KBTBD11: variants seen among roughly 807,000 people sequenced by gnomAD.
KBTBD11 encodes kelch repeat and BTB domain containing 11.
For missense variants in KBTBD11, 1,390 were observed against 1,001.8 expected, an observed-to-expected ratio of 1.39 and a Z score of -5.23; for synonymous variants, 747 against 499.0, an observed-to-expected ratio of 1.50 and a Z score of -6.63.
chr8:2,000,157 AC>A (rs142396449), intron 1 of KBTBD11, 127 bp from the exon 2 acceptor site: 46 of 152,168 alleles, frequency 3.0e-4, no homozygotes, highest in African/African-American at 1.1e-3. Flanking sequence ...AAAAATCACA[AC>A]CCCTTTACAA....
At chr8:1,974,708 AG>A in intron 1 of KBTBD11, 1 of 985,430 alleles carries the variant, frequency 1.0e-6, no homozygotes, top group Non-Finnish European at 1.2e-6. Context: ...GGGATTCCGC[AG>A]GGGTCCCTCC....
chr8:1,977,600 G>T (rs7386176), intron 1 of KBTBD11, among the ~76,000 whole-genome samples: 110,113 of 151,780 alleles, frequency 0.73, 40,035 homozygotes, highest in East Asian at 0.82. Flanking sequence ...GTCAGCTCAC[G>T]GCAACCTCCG....
Position 2,002,323 on chromosome 8 carries a change from C to G in KBTBD11, c.1131C>G (p.Arg377=), listed in dbSNP as rs902724298. ...CCGCGGGCCCCGACGGCCGCGCGCG[C>G]CCGTCCGACCAGGTCTTCTGCTACA... The part of the protein sequence containing the change: ...VAPAGPDGRA[R]PSDQVFCYNP... The change falls in exon 2 of 2, where the codon CGC becomes CGG. Residue 377 remains arginine, a synonymous_variant. Transcript: ENST00000320248. This position sits in a 1 kb window ranked among gnomAD's most constrained non-coding sequence, Gnocchi z 4.1. 4.8e-5 allele frequency: 67 copies of G among 1,397,258 alleles called. 1 individual carries two copies. Among genetic ancestry groups the G allele is most frequent in the Non-Finnish European group, 6.2e-5 (67 of 1,083,354 alleles). The allele number at this position is 1,397,258 out of a possible 1,614,324, so 86.6% of individuals were successfully genotyped here.
chr8:1,993,922 T>TACACACACAA (rs1817031807), intron 1 of KBTBD11, among the ~76,000 whole-genome samples: 1 of 139,692 alleles, frequency 7.2e-6, no homozygotes, highest in Non-Finnish European at 1.5e-5. Flanking sequence ...CAATACCCCC[T>TACACACACAA]ACACACACAC....
chr8:2,003,036 C>T lies in KBTBD11; in HGVS notation c.1844C>T (p.Pro615Leu). 1.6e-6 allele frequency: 2 copies of T among 1,273,228 alleles called. No individual in the cohort carries two copies. Among genetic ancestry groups the T allele is most frequent in the South Asian group, 2.7e-5 (1 of 36,840 alleles). 78.9% of individuals were successfully genotyped at this position (1,273,228 alleles called of 1,614,324 possible). Reference sequence around the variant, plus strand: ...TTCGCTCTCAGCCTGCCTGAGAAGCCGCCCCGAGGGGAGCAGGGCGCCCCG... The same window carrying T: ...TTCGCTCTCAGCCTGCCTGAGAAGCTGCCCCGAGGGGAGCAGGGCGCCCCG... ...IPFALSLPEK[P>L]PRGEQGAP is the part of the protein sequence containing the mutation. The change falls in exon 2 of 2, where the codon CCG (proline) becomes CTG (leucine). Residue 615 changes from proline (P) to leucine (L), a missense_variant. Transcript: ENST00000320248.
Position 2,001,399 on chromosome 8 carries a change from T to C in KBTBD11, c.207T>C (p.Gly69=). 7.1e-7 allele frequency: 1 copy of C among 1,416,488 alleles called. No individual in the cohort carries two copies. The highest frequency in any genetic ancestry group is 1.4e-5 in the South Asian group (1 of 69,022). 87.7% of individuals were successfully genotyped at this position (1,416,488 alleles called of 1,614,324 possible). A position where few individuals can be genotyped will look rare whatever the true frequency, so the allele number is the denominator to read the frequency against. The part of the protein sequence containing the change: ...EGAATSPPSS[G]GPRVVERQWE... Reference sequence around the variant, plus strand: ...CGGCCACCTCCCCGCCCTCCAGCGGTGGCCCGCGGGTGGTGGAGCGGCAGT... The same window carrying C: ...CGGCCACCTCCCCGCCCTCCAGCGGCGGCCCGCGGGTGGTGGAGCGGCAGT... Residue 69 remains glycine (G), a synonymous_variant, in exon 2 of 2, where the codon GGT becomes GGC. Coordinates refer to ENST00000320248, the MANE Select transcript of KBTBD11 (RefSeq NM_014867.3).
chr8:2,002,979 C>T lies in KBTBD11; in HGVS notation c.1787C>T (p.Ala596Val), dbSNP rs1301937471. ...GQGGGFEALG[A>V]PLDVRGVLIP... ...GGCGGCGGCTTCGAGGCGCTGGGCG[C>T]CCCCTTGGACGTCCGGGGTGTGCTC... The change falls in exon 2 of 2, where the codon GCC (alanine) becomes GTC (valine). Residue 596 changes from alanine to valine, a missense_variant. Transcript: ENST00000320248. The surrounding 1 kb of genome is among the most constrained non-coding windows in gnomAD (Gnocchi z 4.1). 3 of 1,309,266 alleles carry T rather than the reference C, an allele frequency of 2.3e-6. No individual in the cohort carries two copies. Among genetic ancestry groups the T allele is most frequent in the South Asian group, 2.1e-5 (1 of 47,228 alleles). 81.1% of individuals were successfully genotyped at this position (1,309,266 alleles called of 1,614,324 possible).
At chr8:1,991,609 T>A (rs1016899074) in intron 1 of KBTBD11, among the ~76,000 whole-genome samples, 3 of 151,366 alleles carry the variant, frequency 2.0e-5, no homozygotes, top group Admixed American at 1.3e-4. Context: ...CGCCAGAGGC[T>A]TTGCTCTCCC....
chr8:1,998,774 G>GCT (rs952503205), intron 1 of KBTBD11, among the ~76,000 whole-genome samples: 2 of 146,936 alleles, frequency 1.4e-5, no homozygotes, highest in African/African-American at 5.4e-5. Context: ...TCTTAGATTT[G>GCT]CTCTCTCTCT....
Position 2,001,927 on chromosome 8 carries a change from G to C in KBTBD11, c.735G>C (p.Arg245=). 2 of 1,464,526 alleles carry C rather than the reference G, an allele frequency of 1.4e-6. No individual in the cohort carries two copies. Among genetic ancestry groups the C allele is most frequent in the South Asian group, 1.2e-5 (1 of 82,336 alleles). 90.7% of individuals were successfully genotyped at this position (1,464,526 alleles called of 1,614,324 possible). A position where few individuals can be genotyped will look rare whatever the true frequency, so the allele number is the denominator to read the frequency against. ...ACGAGGTCCTGAGCGCGGCCAAGCG[G>C]CAGCGGCTGAACGAGCTGCGCGACG... ...NCYEVLSAAK[R]QRLNELRDAA... is the part of the protein sequence containing the mutation. Residue 245 remains arginine (R), a synonymous_variant, in exon 2 of 2, where the codon CGG becomes CGC. Transcript: ENST00000320248.
In KBTBD11 at chr8:2,001,321, C is replaced by A; in HGVS notation, c.129C>A (p.Phe43Leu). 1 of 1,519,438 alleles carries A rather than the reference C, an allele frequency of 6.6e-7. No homozygotes were observed. Among genetic ancestry groups the A allele is most frequent in the Non-Finnish European group, 8.8e-7 (1 of 1,141,594 alleles). The allele number at this position is 1,519,438 out of a possible 1,614,324, so 94.1% of individuals were successfully genotyped here. ...GCAGTCTCGGCGCGTCCCTGTGCTT[C>A]AGCTCCGGGGAAGAGTCCCCGCCGC... ...TPCSLGASLCFSSGEESPPQS... is the reference protein window; with the variant it reads ...TPCSLGASLCLSSGEESPPQS... The change falls in exon 2 of 2, where the codon TTC (phenylalanine) becomes TTA (leucine). Residue 43 changes from phenylalanine (F) to leucine (L), a missense_variant. Transcript: ENST00000320248.
At chr8:1,990,179 T>C (rs1218999031) in intron 1 of KBTBD11, among the ~76,000 whole-genome samples, 1 of 152,154 alleles carries the variant, frequency 6.6e-6, no homozygotes, top group Admixed American at 6.6e-5. Flanking sequence ...CGGGAGCCTG[T>C]CTGGGTAGAT....
At chr8:1,977,730 C>T (rs1816397925) in intron 1 of KBTBD11, among the ~76,000 whole-genome samples, 1 of 151,952 alleles carries the variant, frequency 6.6e-6, no homozygotes, top group Non-Finnish European at 1.5e-5. Flanking sequence ...GAGATGGGGT[C>T]TCAGCATGTT....
intron 1 of KBTBD11, among the ~76,000 whole-genome samples, chr8:1,981,028 G>C (rs982052662): frequency 6.6e-6 from 1 of 152,174 alleles, no homozygotes; most frequent in South Asian, 2.1e-4. Context: ...GGATCTCAGC[G>C]TCTGGTTTCT....
At chr8:1,992,215 GC>G in intron 1 of KBTBD11, among the ~76,000 whole-genome samples, 1 of 152,264 alleles carries the variant, frequency 6.6e-6, no homozygotes, top group South Asian at 2.1e-4. Flanking sequence ...TCATCCCTGA[GC>G]CCGGGTTTTC....
At chr8:1,990,514 C>A (rs36020330) in intron 1 of KBTBD11, among the ~76,000 whole-genome samples, 6 of 69,968 alleles carry the variant, frequency 8.6e-5, no homozygotes, top group Admixed American at 3.9e-4. Context: ...TGCTGCGGGG[C>A]CTTGGCGCCC....
rs181900497 is a variant in KBTBD11 at position 1,979,118 on chromosome 8, A to G, written c.-909+5183A>G. Among the ~76,000 whole-genome samples, 285 of 152,242 alleles carry G rather than the reference A, an allele frequency of 1.9e-3. 1 individual carries two copies. The highest frequency in any genetic ancestry group is 6.3e-3 in the African/African-American group (261 of 41,526). On this transcript the variant is annotated intron_variant, in intron 1 of 1. Coordinates refer to ENST00000320248, the MANE Select transcript of KBTBD11 (RefSeq NM_014867.3). Reference sequence around the variant, plus strand: ...TGAGAGGGATTAGAGAGCAAGATTGAAGGACCTGGCTCATCCGATGGTGGT... The same window carrying G: ...TGAGAGGGATTAGAGAGCAAGATTGGAGGACCTGGCTCATCCGATGGTGGT...
intron 1 of KBTBD11, among the ~76,000 whole-genome samples, chr8:1,991,612 G>C (rs1213344227): frequency 1.3e-5 from 2 of 151,368 alleles, no homozygotes; most frequent in African/African-American, 4.9e-5. Flanking sequence ...CAGAGGCTTT[G>C]CTCTCCCCAC....
rs1817399055 is a variant in KBTBD11 at position 2,002,152 on chromosome 8, C to T, written c.960C>T (p.Asp320=). The T allele has an allele frequency of 3.4e-6, 4 of 1,183,634 alleles. No homozygotes were observed. Among genetic ancestry groups the T allele is most frequent in the Middle Eastern group, 3.4e-4 (1 of 2,912 alleles). The allele number at this position is 1,183,634 out of a possible 1,614,324, so 73.3% of individuals were successfully genotyped here. Residue 320 remains aspartate (D), a synonymous_variant, in exon 2 of 2, where the codon GAC becomes GAT. Transcript: ENST00000320248. This position sits in a 1 kb window ranked among gnomAD's most constrained non-coding sequence, Gnocchi z 4.1. ...SRPQSPSGDA[D]ARGDAAVYCF... is the part of the protein sequence containing the mutation. ...CTCAGAGCCCCTCGGGGGACGCGGACGCGCGCGGGGACGCGGCCGTCTACT... is the reference window on the plus strand; with the variant it reads ...CTCAGAGCCCCTCGGGGGACGCGGATGCGCGCGGGGACGCGGCCGTCTACT...
Sources: allele counts gnomAD v4.1 joint callset (sites outside exome capture counted in the v4.1 genomes callset), GRCh38; gene constraint gnomAD v4.1.1; non-coding constraint Gnocchi (gnomAD v3.1); transcripts MANE v1.5; gene names NCBI Gene and HGNC (gene_info 2026-07-23, HGNC 2026-07-21).